ZNF789: variants seen among roughly 807,000 people sequenced by gnomAD.
The protein encoded by ZNF789 is zinc finger protein 789.
In ZNF789, 11 loss-of-function variants were observed where a neutral mutation model predicts 15.6. The ratio of observed to expected loss-of-function variants is 0.70; its 90% confidence interval spans 0.44 to 1.16. The LOEUF (loss-of-function observed/expected upper bound fraction) is 1.16. Ranked by LOEUF, ZNF789 falls within the 50% of genes most tolerant of loss-of-function variation. The probability of loss-of-function intolerance (pLI) is 0.00; values close to 1 mark genes in which losing one functional copy is unlikely to be tolerated. For missense variants in ZNF789, 461 were observed against 512.6 expected (o/e 0.90, Z 0.97); for synonymous variants, 159 against 176.0 (o/e 0.90, Z 0.76).
At chr7:99,483,948 T>G in intron 3 of ZNF789, 82 bp from the exon 4 acceptor site, 1 of 1,064,038 alleles carries the variant, frequency 9.4e-7, no homozygotes, top group Non-Finnish European at 1.5e-6. Context: ...ATTATTGTCC[T>G]TATCTCTGCT....
intron 2 of ZNF789, among the ~76,000 whole-genome samples, chr7:99,477,756 G>C (rs1310500123): frequency 6.6e-6 from 1 of 152,140 alleles, no homozygotes; most frequent in Non-Finnish European, 1.5e-5. Flanking sequence ...GACCAGCCTG[G>C]CCAACATATA....
At chr7:99,479,845 T>A in intron 3 of ZNF789, 58 bp downstream of exon 3, 2 of 1,515,712 alleles carry the variant, frequency 1.3e-6, no homozygotes, top group Non-Finnish European at 1.8e-6. Context: ...GTGCAAGCCC[T>A]TAGTCCCTTA....
intron 1 of ZNF789, among the ~76,000 whole-genome samples, chr7:99,475,806 CTTTT>C (rs59681284): frequency 7.8e-6 from 1 of 128,358 alleles, no homozygotes; most frequent in Non-Finnish European, 1.6e-5. Context: ...TTTTTTCTTT[CTTTT>C]TTTTTTTTTT....
At chr7:99,475,911 T>C (rs1389632008) in intron 1 of ZNF789, among the ~76,000 whole-genome samples, 3 of 151,692 alleles carry the variant, frequency 2.0e-5, no homozygotes, top group African/African-American at 4.9e-5. Flanking sequence ...TTCAAGCGAT[T>C]CTCCTGCCTC....
intron 3 of ZNF789, chr7:99,482,055 A>G: frequency 1.4e-6 from 1 of 721,912 alleles, no homozygotes; most frequent in East Asian, 2.6e-5. Context: ...AATATATAAT[A>G]AGATAATTTG....
Position 99,484,028 on chromosome 7 carries a change from A to C in ZNF789, c.152-2A>C, listed in dbSNP as rs372132895. ...ACATCCCATTTACTTCCCCATGAGT[A>C]GGATTTCAGTTTCCCAAACCTGAGA... On this transcript the variant is annotated splice_acceptor_variant, in intron 3 of 4. Transcript: ENST00000331410. LOFTEE classifies it high-confidence loss of function. 2 of 1,613,838 alleles carry C rather than the reference A, an allele frequency of 1.2e-6. No homozygotes were observed. The highest frequency in any genetic ancestry group is 1.7e-6 in the Non-Finnish European group (2 of 1,179,740).
chr7:99,474,404 C>A (rs1050660634), intron 1 of ZNF789, among the ~76,000 whole-genome samples: 3 of 152,124 alleles, frequency 2.0e-5, no homozygotes, highest in Non-Finnish European at 4.4e-5. Flanking sequence ...ACCATCCTGG[C>A]TAACACGGTG....
chr7:99,483,161 G>A (rs1203848531), intron 3 of ZNF789, among the ~76,000 whole-genome samples: 1 of 152,048 alleles, frequency 6.6e-6, no homozygotes, highest in Non-Finnish European at 1.5e-5. Flanking sequence ...AACCCGGGAG[G>A]CGGAGGTTGC....
At chr7:99,481,927 CT>C in intron 3 of ZNF789, 1 of 477,620 alleles carries the variant, frequency 2.1e-6, no homozygotes. Context: ...TTTTGGTTTA[CT>C]TTTTCCCAGT....
In ZNF789 at chr7:99,479,699, C is replaced by T; in HGVS notation, c.63C>T (p.Thr21=). Residue 21 remains threonine (T), a synonymous_variant, in exon 3 of 5, where the codon ACC becomes ACT. Transcript: ENST00000331410. ...LSFEDVAMYF[T]REEWGHLNWG... Reference sequence around the variant, plus strand: ...TTGAGGATGTGGCGATGTACTTCACCAGAGAGGAGTGGGGCCACCTCAACT... The same window carrying T: ...TTGAGGATGTGGCGATGTACTTCACTAGAGAGGAGTGGGGCCACCTCAACT... 6.2e-7 allele frequency: 1 copy of T among 1,612,878 alleles called. No homozygotes were observed. The highest frequency in any genetic ancestry group is 1.1e-5 in the South Asian group (1 of 90,922).
At chr7:99,479,371 C>G (rs1041519849) in intron 2 of ZNF789, 1 of 288,490 alleles carries the variant, frequency 3.5e-6, no homozygotes, top group African/African-American at 2.2e-5. Context: ...TTCCTCTAAT[C>G]AACAGCAGAT....
At chr7:99,486,092 T>G (rs1360270801) in intron 4 of ZNF789, among the ~76,000 whole-genome samples, 1 of 152,026 alleles carries the variant, frequency 6.6e-6, no homozygotes, top group Non-Finnish European at 1.5e-5. Context: ...CCGAGGTGGG[T>G]GGATCACCTG....
chr7:99,479,462 G>T (rs768476103), intron 2 of ZNF789, 199 bp from the exon 3 acceptor site: 1 of 462,512 alleles, frequency 2.2e-6, no homozygotes, highest in Non-Finnish European at 3.6e-6. Flanking sequence ...TAATTGTGTC[G>T]ACCCCGTGGT....
intron 3 of ZNF789, chr7:99,479,999 C>G: frequency 3.2e-6 from 2 of 616,590 alleles, no homozygotes; most frequent in Non-Finnish European, 5.2e-6. Flanking sequence ...ATTTTTCCAA[C>G]TTGGTGTGCA....
intron 1 of ZNF789, among the ~76,000 whole-genome samples, 186 bp downstream of exon 1, chr7:99,473,242 T>C (rs945135906): frequency 6.6e-6 from 1 of 152,092 alleles, no homozygotes; most frequent in Non-Finnish European, 1.5e-5. Flanking sequence ...GTCCGAAGAA[T>C]GAATGGATGG....
chr7:99,481,956 A>G (rs1022890312), intron 3 of ZNF789: 15 of 581,532 alleles, frequency 2.6e-5, no homozygotes, highest in Admixed American at 1.2e-4. Context: ...TGTGTCTATT[A>G]CAGGGAAAGA....
chr7:99,481,900 A>C (rs1562884970), intron 3 of ZNF789: 1 of 435,334 alleles, frequency 2.3e-6, no homozygotes, highest in Non-Finnish European at 4.1e-6. Flanking sequence ...TTCCAGAAGT[A>C]ACTCTTGTTA....
At chr7:99,476,036 C>G (rs566481674) in intron 1 of ZNF789, among the ~76,000 whole-genome samples, 206 of 152,188 alleles carry the variant, frequency 1.4e-3, no homozygotes, top group Non-Finnish European at 2.2e-3. Context: ...ATCTTCTGAC[C>G]TCGTGATCCA....
intron 1 of ZNF789, among the ~76,000 whole-genome samples, chr7:99,474,405 T>C (rs1279454279): frequency 3.9e-5 from 6 of 152,220 alleles, no homozygotes; most frequent in African/African-American, 9.6e-5. Context: ...CCATCCTGGC[T>C]AACACGGTGA....
Sources: allele counts gnomAD v4.1 joint callset (sites outside exome capture counted in the v4.1 genomes callset), GRCh38; gene constraint gnomAD v4.1.1; transcripts MANE v1.5; gene names NCBI Gene and HGNC (gene_info 2026-07-23, HGNC 2026-07-21).